Variants in PREX2 observed in about 807,000 individuals in gnomAD.
PREX2 encodes phosphatidylinositol-3,4,5-trisphosphate dependent Rac exchange factor 2.
PREX2 carries 107 observed loss-of-function variants against 203.2 expected under a neutral mutation model. The observed-to-expected ratio is 0.53, with a 90% CI of 0.45 to 0.62. PREX2 has a LOEUF of 0.62. Among genes scored for constraint, PREX2 ranks in the 20% least tolerant of loss-of-function variants. PREX2 has a pLI of 0.00. For synonymous variants in PREX2, 672 were observed against 663.6 expected, an observed-to-expected ratio of 1.01 and a Z score of -0.19; for missense variants, 1,777 against 1,955.9, an observed-to-expected ratio of 0.91 and a Z score of 1.72.
At chr8:68,051,948 T>G (rs776282195) in intron 8 of PREX2, among the ~76,000 whole-genome samples, 1 of 152,104 alleles carries the variant, frequency 6.6e-6, no homozygotes, top group Non-Finnish European at 1.5e-5. Flanking sequence ...TGATAATGGA[T>G]TTGTGGTATT....
intron 5 of PREX2, among the ~76,000 whole-genome samples, chr8:68,028,722 G>A (rs1807800703): frequency 6.6e-6 from 1 of 151,868 alleles, no homozygotes; most frequent in Non-Finnish European, 1.5e-5. Flanking sequence ...GTTTGCATGT[G>A]TACTCATAAC....
intron 35 of PREX2, among the ~76,000 whole-genome samples, chr8:68,189,210 A>G (rs1812247894): frequency 6.6e-6 from 1 of 152,250 alleles, no homozygotes; most frequent in African/African-American, 2.4e-5. Flanking sequence ...GAAAGGACAC[A>G]CAGACCTTTC....
chr8:68,062,316 G>A (rs1001388367), intron 11 of PREX2, among the ~76,000 whole-genome samples: 8 of 152,070 alleles, frequency 5.3e-5, no homozygotes, highest in Admixed American at 1.3e-4. Context: ...CTTTTAAAAC[G>A]GGGATATGAT....
chr8:67,964,009 G>A lies in PREX2; in HGVS notation c.141+11474G>A, dbSNP rs7836402. ...TAGGACCAATGAAATCTGAGTATGT[G>A]GGGGTGAGAGCCAGGCCTCAGTATT... On this transcript the variant is annotated intron_variant, in intron 1 of 39. Coordinates refer to ENST00000288368, the MANE Select transcript of PREX2 (RefSeq NM_024870.4). Among the ~76,000 whole-genome samples, 1,031 of 152,272 alleles carry A rather than the reference G, an allele frequency of 6.8e-3. 7 individuals are homozygous for A. The highest frequency in any genetic ancestry group is 0.024 in the African/African-American group (994 of 41,542).
rs1456447010 is a variant in PREX2 at position 68,146,279 on chromosome 8, T to C, written c.4158T>C (p.Tyr1386=). The change falls in exon 34 of 40, where the codon TAT becomes TAC. Residue 1386 remains tyrosine (Y), a synonymous_variant. Coordinates refer to ENST00000288368, the MANE Select transcript of PREX2 (RefSeq NM_024870.4). The part of the protein sequence containing the change: ...ALKVYFYIDS[Y]HFEQLPQRLK... The stretch of plus-strand genomic sequence containing the variant: ...AAGTTTACTTCTACATTGATAGTTA[T>C]CATTTTGAACAACTTCCTCAACGGC... The C allele has an allele frequency of 4.3e-6, 7 of 1,612,752 alleles. No individual in the cohort carries two copies. The highest frequency in any genetic ancestry group is 5.1e-6 in the Non-Finnish European group (6 of 1,179,216).
At chr8:68,079,487 A>G (rs2129611863) in intron 15 of PREX2, among the ~76,000 whole-genome samples, 1 of 152,310 alleles carries the variant, frequency 6.6e-6, no homozygotes, top group East Asian at 1.9e-4. Context: ...ACTCAGAGGG[A>G]TTAAGTAACT....
intron 31 of PREX2, among the ~76,000 whole-genome samples, chr8:68,132,408 T>G (rs62522677): frequency 0.11 from 17,249 of 151,880 alleles, 1,257 homozygotes; most frequent in East Asian, 0.2. Context: ...ATGGCCACAT[T>G]CCACCATTTT....
At chr8:67,959,782 A>G (rs1266739405) in intron 1 of PREX2, among the ~76,000 whole-genome samples, 1 of 152,166 alleles carries the variant, frequency 6.6e-6, no homozygotes, top group Non-Finnish European at 1.5e-5. Context: ...GTGAACACAT[A>G]CCAGAGGCTC....
chr8:68,052,169 C>T (rs1808543258), intron 8 of PREX2, among the ~76,000 whole-genome samples: 1 of 152,174 alleles, frequency 6.6e-6, no homozygotes. Context: ...CTTACCTCCT[C>T]AACACTGGCC....
chr8:68,169,246 C>T (rs1388259449), intron 35 of PREX2, among the ~76,000 whole-genome samples: 1 of 152,004 alleles, frequency 6.6e-6, no homozygotes, highest in Non-Finnish European at 1.5e-5. Context: ...CAGTGAAGGA[C>T]CTGGGGAGGC....
intron 37 of PREX2, among the ~76,000 whole-genome samples, chr8:68,216,981 A>G (rs1812854120): frequency 6.6e-6 from 1 of 151,800 alleles, no homozygotes; most frequent in African/African-American, 2.4e-5. Flanking sequence ...AAAAAAAAAA[A>G]AAAATGAGAG....
intron 37 of PREX2, among the ~76,000 whole-genome samples, chr8:68,205,029 C>T (rs930307343): frequency 3.9e-5 from 6 of 152,090 alleles, no homozygotes; most frequent in African/African-American, 9.7e-5. Context: ...TTCCAGCTCT[C>T]GGGCTATGAC....
intron 1 of PREX2, among the ~76,000 whole-genome samples, chr8:67,957,591 T>C (rs1398036705): frequency 2.0e-5 from 3 of 152,206 alleles, no homozygotes; most frequent in African/African-American, 7.2e-5. Flanking sequence ...ATTTACTTCC[T>C]ATGTATGCTT....
rs960597056 is a variant in PREX2, at chr8:68,224,482, C to G, written c.4708-77C>G. ...TAAAGACATTGTTTGAATAAGTATC[C>G]TACACACAAATGTTAATGGTATGTT... is the stretch of plus-strand genomic sequence containing the variant. On this transcript the variant is annotated intron_variant, in intron 38 of 39. Transcript: ENST00000288368. 5 of 1,107,962 alleles carry G rather than the reference C, an allele frequency of 4.5e-6. No homozygotes were observed. The African/African-American group carries it at 7.7e-5, about 17-fold the overall frequency. The allele number at this position is 1,107,962 out of a possible 1,614,324, so 68.6% of individuals were successfully genotyped here.
At chr8:68,068,248 A>G (rs1429618378) in intron 11 of PREX2, among the ~76,000 whole-genome samples, 2 of 152,034 alleles carry the variant, frequency 1.3e-5, no homozygotes, top group Non-Finnish European at 2.9e-5. Context: ...TTTTTGGAAG[A>G]GTCTGAGAAG....
Position 68,197,848 on chromosome 8 carries a change from CTTA to C in PREX2, c.4604+5326_4604+5328del, listed in dbSNP as rs1283277330. ...CATATAAAATGAGCACATAGACTTTCTTATTCTCTTTTTTTTGCTGCATAATAT... is the reference window on the plus strand; with the variant it reads ...CATATAAAATGAGCACATAGACTTTCTTCTCTTTTTTTTGCTGCATAATAT... On this transcript the variant is annotated intron_variant, in intron 37 of 39. Transcript: ENST00000288368. Among the ~76,000 whole-genome samples, 36 of 150,062 alleles carry C rather than the reference CTTA, an allele frequency of 2.4e-4. No individual in the cohort carries two copies. In the Admixed American group the frequency reaches 2.4e-3, roughly 10 times the overall value.
intron 15 of PREX2, among the ~76,000 whole-genome samples, chr8:68,078,550 T>C (rs1209789103): frequency 1.3e-5 from 2 of 152,214 alleles, no homozygotes; most frequent in Non-Finnish European, 2.9e-5. Context: ...AGAATATCTT[T>C]ACATTTTTAT....
intron 34 of PREX2, among the ~76,000 whole-genome samples, chr8:68,149,627 T>C (rs1018575363): frequency 6.6e-6 from 1 of 152,218 alleles, no homozygotes; most frequent in Non-Finnish European, 1.5e-5. Flanking sequence ...GCCACTTCTC[T>C]ACACGCTCCC....
intron 30 of PREX2, among the ~76,000 whole-genome samples, chr8:68,125,828 G>T (rs1362840494): frequency 6.6e-6 from 1 of 151,970 alleles, no homozygotes; most frequent in African/African-American, 2.4e-5. Context: ...TCTAAAGAGT[G>T]TCTCTTCAGT....
Sources: allele counts gnomAD v4.1 joint callset (sites outside exome capture counted in the v4.1 genomes callset), GRCh38; gene constraint gnomAD v4.1.1; transcripts MANE v1.5; gene names NCBI Gene and HGNC (gene_info 2026-07-23, HGNC 2026-07-21).